Variants in IMMP2L observed in about 807,000 individuals in gnomAD.
IMMP2L encodes the protein mitochondrial inner membrane protease subunit 2.
In IMMP2L, 18 loss-of-function variants were observed where a neutral mutation model predicts 19.3. That is an observed-to-expected ratio of 0.93 (90% CI 0.64 to 1.38). The LOEUF is 1.38. IMMP2L is among the 40% of genes most tolerant of loss of function. The probability of loss-of-function intolerance (pLI) is 0.00; values close to 1 mark genes in which losing one functional copy is unlikely to be tolerated. For missense variants in IMMP2L, 233 were observed against 218.2 expected (o/e 1.07, Z -0.43); for synonymous variants, 76 against 73.0 (o/e 1.04, Z -0.21).
At chr7:110,726,948 T>C (rs886429347) in intron 5 of IMMP2L, among the ~76,000 whole-genome samples, 2 of 152,102 alleles carry the variant, frequency 1.3e-5, no homozygotes, top group African/African-American at 4.8e-5. Context: ...TCAAAGAAGA[T>C]CATCTGGAAA....
rs573189217 is a variant in IMMP2L, at chr7:111,382,893, G to A, written c.239+104345C>T. ...AATTACCGGGCACCTTTAGCTAACA[G>A]TAGCTGCAAATGTGGTTCCATACTT... is the stretch of plus-strand genomic sequence containing the variant. On this transcript the variant is annotated intron_variant, in intron 3 of 5. Coordinates refer to ENST00000405709, the MANE Select transcript of IMMP2L (RefSeq NM_032549.4). Among the ~76,000 whole-genome samples, 3 of 152,196 alleles carry A rather than the reference G, an allele frequency of 2.0e-5. No homozygotes were observed. The South Asian group carries it at 6.2e-4, about 32-fold the overall frequency.
chr7:110,751,978 T>C (rs1312392887), intron 5 of IMMP2L, among the ~76,000 whole-genome samples: 1 of 152,098 alleles, frequency 6.6e-6, no homozygotes, highest in East Asian at 1.9e-4. Flanking sequence ...AAATTGCTGA[T>C]CCTAAGTCCC....
chr7:110,827,767 G>A (rs1456796321), intron 5 of IMMP2L, among the ~76,000 whole-genome samples: 1 of 152,072 alleles, frequency 6.6e-6, no homozygotes, highest in Non-Finnish European at 1.5e-5. Flanking sequence ...TCACATACTT[G>A]AATACAGCTA....
At chr7:111,064,833 T>G (rs930122511) in intron 3 of IMMP2L, among the ~76,000 whole-genome samples, 1 of 152,164 alleles carries the variant, frequency 6.6e-6, no homozygotes, top group Non-Finnish European at 1.5e-5. Flanking sequence ...TACTCCGCAA[T>G]GGAGACGAGG....
intron 3 of IMMP2L, among the ~76,000 whole-genome samples, chr7:111,460,084 C>G (rs1261686581): frequency 6.6e-6 from 1 of 152,064 alleles, no homozygotes; most frequent in Non-Finnish European, 1.5e-5. Context: ...TGAAATTCAG[C>G]TGTGTGGGCT....
intron 3 of IMMP2L, chr7:111,122,591 T>A (rs982801436): frequency 6.8e-6 from 4 of 584,150 alleles, no homozygotes; most frequent in Non-Finnish European, 1.2e-5. Context: ...ATGCATGACA[T>A]TTTTGGACAA....
In IMMP2L at chr7:110,863,020, A is replaced by T. The variant is rs1056160544; in HGVS notation, c.408+23573T>A. Among the ~76,000 whole-genome samples, 8 of 151,998 alleles carry T rather than the reference A, an allele frequency of 5.3e-5. 1 individual carries two copies. In the East Asian group the frequency reaches 1.6e-3, roughly 30 times the overall value. On this transcript the variant is annotated intron_variant, in intron 5 of 5. Transcript: ENST00000405709. ...CTGGGGGATCGGAGAACCAGCACAA[A>T]TTCTGATACTCTGGCTACTGCTGTT... is the stretch of plus-strand genomic sequence containing the variant.
chr7:111,102,330 C>T (rs765305531), intron 3 of IMMP2L, among the ~76,000 whole-genome samples: 28 of 151,524 alleles, frequency 1.8e-4, no homozygotes, highest in Admixed American at 4.0e-4. Context: ...TTCCCAAACT[C>T]AACCCTATAG....
intron 3 of IMMP2L, among the ~76,000 whole-genome samples, chr7:111,228,131 G>A (rs188144007): frequency 6.6e-4 from 100 of 152,132 alleles, no homozygotes; most frequent in Non-Finnish European, 6.8e-4. Context: ...GTTGAAATAC[G>A]TTTATGTTCA....
intron 3 of IMMP2L, among the ~76,000 whole-genome samples, chr7:111,120,631 C>T (rs1413931160): frequency 6.6e-6 from 1 of 152,068 alleles, no homozygotes; most frequent in African/African-American, 2.4e-5. Context: ...AATAAAACAG[C>T]CAAATGTTAA....
intron 3 of IMMP2L, among the ~76,000 whole-genome samples, chr7:111,308,787 A>G (rs545732656): frequency 1.6e-4 from 24 of 152,078 alleles, no homozygotes; most frequent in Non-Finnish European, 2.4e-4. Context: ...TAAATTCATG[A>G]GAATATCCTC....
intron 3 of IMMP2L, among the ~76,000 whole-genome samples, chr7:111,008,463 T>C (rs1451560182): frequency 6.6e-6 from 1 of 152,042 alleles, no homozygotes; most frequent in Non-Finnish European, 1.5e-5. Context: ...AATGTTGTAT[T>C]AGAAAAATCT....
In IMMP2L at chr7:111,559,747, G is replaced by A. The variant is rs139549961; in HGVS notation, c.-3+2104C>T. Among the ~76,000 whole-genome samples the A allele has an allele frequency of 2.7e-3, 418 of 152,204 alleles. 5 individuals are homozygous for A. Among genetic ancestry groups the A allele is most frequent in the Non-Finnish European group, 5.0e-3 (342 of 68,002 alleles). ...TTAAAAGTAAGTACTTCTATGCCAG[G>A]CACTGTTTTTTCACACATTCTTTTA... On this transcript the variant is annotated intron_variant, in intron 1 of 5. Coordinates refer to ENST00000405709, the MANE Select transcript of IMMP2L (RefSeq NM_032549.4).
rs543586226 is a variant in IMMP2L at position 111,506,197 on chromosome 7, A to AAAT, written c.135+15113_135+15115dup. 3.1e-3 allele frequency among the ~76,000 whole-genome samples: 466 copies of AAAT among 149,492 alleles called. 2 individuals carry two copies. Among genetic ancestry groups the AAAT allele is most frequent in the Middle Eastern group, 0.018 (5 of 280 alleles). On this transcript the variant is annotated intron_variant, in intron 2 of 5. Coordinates refer to ENST00000405709, the MANE Select transcript of IMMP2L (RefSeq NM_032549.4). ...AACAGAGCAAGACCCTGTCTCTTTA[A>AAAT]AATAATAATAATAATAATAATAATA...
At chr7:110,698,969 A>G (rs371133142) in intron 5 of IMMP2L, among the ~76,000 whole-genome samples, 8 of 152,284 alleles carry the variant, frequency 5.3e-5, no homozygotes, top group South Asian at 2.1e-4. Context: ...TAGATTTCCA[A>G]TGAAGGGTGA....
intron 3 of IMMP2L, among the ~76,000 whole-genome samples, chr7:111,395,436 T>C (rs1014593026): frequency 6.6e-6 from 1 of 152,212 alleles, no homozygotes; most frequent in African/African-American, 2.4e-5. Flanking sequence ...TACTTTATAC[T>C]GTATTATAAT....
intron 5 of IMMP2L, among the ~76,000 whole-genome samples, chr7:110,825,030 C>T (rs940596930): frequency 3.3e-5 from 5 of 152,018 alleles, no homozygotes; most frequent in East Asian, 1.9e-4. Flanking sequence ...ATCACAAGCA[C>T]TCTTATACAC....
At chr7:111,313,750 G>A (rs1413491290) in intron 3 of IMMP2L, among the ~76,000 whole-genome samples, 1 of 152,102 alleles carries the variant, frequency 6.6e-6, no homozygotes, top group African/African-American at 2.4e-5. Flanking sequence ...ATGTGTATCA[G>A]GTATACAGGA....
At chr7:111,413,692 A>C (rs1272254421) in intron 3 of IMMP2L, among the ~76,000 whole-genome samples, 2 of 152,010 alleles carry the variant, frequency 1.3e-5, no homozygotes, top group African/African-American at 4.8e-5. Context: ...GCAAAGTTGA[A>C]ACAGAAAGTG....
Sources: allele counts gnomAD v4.1 joint callset (sites outside exome capture counted in the v4.1 genomes callset), GRCh38; gene constraint gnomAD v4.1.1; transcripts MANE v1.5; gene names NCBI Gene and HGNC (gene_info 2026-07-23, HGNC 2026-07-21).